Variants in DLG1 observed in about 807,000 individuals in gnomAD.
DLG1 encodes disks large homolog 1.
Under a neutral mutation model 123.4 loss-of-function variants are expected in DLG1, and 42 were observed. That is an observed-to-expected ratio of 0.34 (90% CI 0.27 to 0.44). DLG1 has a LOEUF of 0.44. Ranked by LOEUF, DLG1 falls within the 20% of genes least tolerant of loss-of-function variation. The probability of loss-of-function intolerance (pLI) is 1.00; values close to 1 mark genes in which losing one functional copy is unlikely to be tolerated. For missense variants in DLG1, 942 were observed against 1,082.6 expected, an observed-to-expected ratio of 0.87 and a Z score of 1.82; for synonymous variants, 317 against 356.2, an observed-to-expected ratio of 0.89 and a Z score of 1.24.
intron 4 of DLG1, among the ~76,000 whole-genome samples, chr3:197,248,393 C>T (rs1752808469): frequency 6.6e-6 from 1 of 152,188 alleles, no homozygotes; most frequent in African/African-American, 2.4e-5. Context: ...CACAATGAGG[C>T]AGTGGGACAC....
intron 5 of DLG1, among the ~76,000 whole-genome samples, chr3:197,153,339 G>T (rs892685079): frequency 1.4e-4 from 21 of 152,142 alleles, no homozygotes; most frequent in Admixed American, 1.2e-3. Context: ...AGATGTTTTG[G>T]AACTTGGAGT....
intron 12 of DLG1, among the ~76,000 whole-genome samples, chr3:197,116,579 T>C (rs12636155): frequency 2.6e-5 from 4 of 152,298 alleles, no homozygotes; most frequent in East Asian, 3.9e-4. Context: ...TATAACCCCA[T>C]TCTAACCTCT....
Position 197,209,993 on chromosome 3 carries a change from T to C in DLG1, c.319-15404A>G, listed in dbSNP as rs750274497. Among the ~76,000 whole-genome samples the C allele has an allele frequency of 2.7e-5, 4 of 146,164 alleles. 1 individual carries two copies. Among genetic ancestry groups the C allele is most frequent in the Non-Finnish European group, 6.1e-5 (4 of 65,044 alleles). On this transcript the variant is annotated intron_variant, in intron 4 of 24. Coordinates refer to ENST00000667157, the MANE Select transcript of DLG1 (RefSeq NM_001366207.1). ...GAGAAGACAAATGGAAACTCCTCAT[T>C]TGGAAATTTTCTGGACTTTTATCTC...
intron 19 of DLG1, among the ~76,000 whole-genome samples, chr3:197,067,519 T>C (rs1426745080): frequency 6.8e-6 from 1 of 147,484 alleles, no homozygotes; most frequent in Non-Finnish European, 1.5e-5. Flanking sequence ...CTGAATCCAG[T>C]GAAAAGAAAT....
intron 4 of DLG1, among the ~76,000 whole-genome samples, chr3:197,238,026 G>A (rs1746905296): frequency 6.6e-6 from 1 of 152,130 alleles, no homozygotes; most frequent in African/African-American, 2.4e-5. Context: ...AGACCACATG[G>A]GGAACTATAA....
At chr3:197,202,867 G>C (rs781039890) in intron 4 of DLG1, among the ~76,000 whole-genome samples, 3 of 152,128 alleles carry the variant, frequency 2.0e-5, no homozygotes, top group Non-Finnish European at 4.4e-5. Flanking sequence ...AAGTCTGCAG[G>C]GTAAGGAGGA....
At chr3:197,150,694 C>T (rs552960456) in intron 5 of DLG1, among the ~76,000 whole-genome samples, 37 of 152,050 alleles carry the variant, frequency 2.4e-4, no homozygotes, top group Non-Finnish European at 4.9e-4. Context: ...TACATAAAAG[C>T]TGTATAAAGT....
At chr3:197,176,542 T>C (rs1807204918) in intron 5 of DLG1, among the ~76,000 whole-genome samples, 1 of 152,200 alleles carries the variant, frequency 6.6e-6, no homozygotes, top group East Asian at 1.9e-4. Context: ...GAACGTCATC[T>C]AGTTGGAAAC....
Position 197,081,123 on chromosome 3 carries a change from A to T in DLG1, c.1839-6T>A. 1 of 1,611,536 alleles carries T rather than the reference A, an allele frequency of 6.2e-7. No homozygotes were observed. The highest frequency in any genetic ancestry group is 8.5e-7 in the Non-Finnish European group (1 of 1,178,766). On this transcript the variant is annotated splice_polypyrimidine_tract_variant and splice_region_variant and intron_variant, in intron 16 of 24. Coordinates refer to ENST00000667157, the MANE Select transcript of DLG1 (RefSeq NM_001366207.1). ...CTCGTTCTTTCTTCTCAACTCTGTC[A>T]AAGTATAGAATGTTATTTTTTAAGT...
At chr3:197,177,304 G>A (rs1477873898) in intron 5 of DLG1, among the ~76,000 whole-genome samples, 1 of 152,098 alleles carries the variant, frequency 6.6e-6, no homozygotes, top group Admixed American at 6.6e-5. Flanking sequence ...TACCAAAGGA[G>A]ACTATTTCCA....
chr3:197,085,279 G>A (rs2149106892), intron 16 of DLG1: 1 of 365,902 alleles, frequency 2.7e-6, no homozygotes, highest in South Asian at 2.4e-5. Context: ...ACTATTACCT[G>A]TAGTTGCCAT....
chr3:197,073,853 C>T (rs770313794), intron 18 of DLG1, among the ~76,000 whole-genome samples: 4 of 151,500 alleles, frequency 2.6e-5, no homozygotes, highest in African/African-American at 4.9e-5. Flanking sequence ...TCAATAGGTT[C>T]GGTTCTCTGG....
At position 197,043,631 on chromosome 3, in the gene DLG1, T is replaced by C. The variant is rs1721318465; in HGVS notation, c.*992A>G. Reference sequence around the variant, plus strand: ...TATGTAAAGAAAATAATTCCCATAGTTACAGTTTAAAGAAAGTTTTATATA... The same window carrying C: ...TATGTAAAGAAAATAATTCCCATAGCTACAGTTTAAAGAAAGTTTTATATA... On this transcript the variant is annotated 3_prime_UTR_variant, in exon 25 of 25. Transcript: ENST00000667157. 6.6e-6 allele frequency: 1 copy of C among 151,062 alleles called. No homozygotes were observed. The highest frequency in any genetic ancestry group is 2.1e-4 in the South Asian group (1 of 4,822). The allele number at this position is 151,062 out of a possible 1,614,324, so 9.4% of individuals were successfully genotyped here.
chr3:197,128,799 G>C (rs1316685542), intron 11 of DLG1, among the ~76,000 whole-genome samples: 4 of 152,226 alleles, frequency 2.6e-5, no homozygotes, highest in Non-Finnish European at 4.4e-5. Context: ...TGGGCAGCTA[G>C]GTGCATTGTC....
At chr3:197,162,652 A>C (rs1465040065) in intron 5 of DLG1, among the ~76,000 whole-genome samples, 4 of 152,222 alleles carry the variant, frequency 2.6e-5, no homozygotes, top group African/African-American at 9.6e-5. Context: ...AGACAACTGG[A>C]TATCCACATG....
chr3:197,264,268 G>A (rs1337621477), intron 4 of DLG1, among the ~76,000 whole-genome samples: 1 of 152,056 alleles, frequency 6.6e-6, no homozygotes, highest in Non-Finnish European at 1.5e-5. Flanking sequence ...GGCCCTTTCT[G>A]AACTACAACG....
chr3:197,297,821 C>G, intron 1 of DLG1: 1 of 985,346 alleles, frequency 1.0e-6, no homozygotes, highest in Non-Finnish European at 1.2e-6. Flanking sequence ...GAGCGGCGTG[C>G]GCTCGGAACT....
chr3:197,221,630 G>C (rs868261953), intron 4 of DLG1, among the ~76,000 whole-genome samples: 1 of 152,058 alleles, frequency 6.6e-6, no homozygotes, highest in Non-Finnish European at 1.5e-5. Flanking sequence ...TGTGTGAAGA[G>C]AGAGCCTCAG....
chr3:197,191,698 T>G (rs1320839045), intron 5 of DLG1, among the ~76,000 whole-genome samples: 2 of 152,214 alleles, frequency 1.3e-5, no homozygotes, highest in Non-Finnish European at 1.5e-5. Context: ...CAAGCAGTGT[T>G]AGGGCTTTAC....
Sources: gnomAD v4.1 joint callset for allele counts (sites outside exome capture counted in the v4.1 genomes callset) on GRCh38, gnomAD v4.1.1 for gene constraint, MANE v1.5 for transcripts, NCBI Gene and HGNC (gene_info 2026-07-23, HGNC 2026-07-21) for gene names.